The following PTPRD variants were observed in gnomAD, a reference collection of about 807,000 sequenced individuals.
PTPRD encodes the protein protein tyrosine phosphatase receptor type D.
In PTPRD, 34 loss-of-function variants were observed where a neutral mutation model predicts 214.5. That is an observed-to-expected ratio of 0.16 (90% CI 0.12 to 0.21). PTPRD has a LOEUF of 0.21. PTPRD is among the 10% of genes least tolerant of loss of function. The pLI is 1.00. For synonymous variants in PTPRD, 1,128 were observed against 845.7 expected (o/e 1.33, Z -5.79); for missense variants, 2,545 against 2,398.7 (o/e 1.06, Z -1.27).
At chr9:9,743,948 A>T (rs970111007) in intron 6 of PTPRD, among the ~76,000 whole-genome samples, 1 of 152,158 alleles carries the variant, frequency 6.6e-6, no homozygotes, top group African/African-American at 2.4e-5. Flanking sequence ...GACATTAAAT[A>T]ACCTACACCT....
At chr9:9,138,983 A>G (rs2099855624) in intron 10 of PTPRD, among the ~76,000 whole-genome samples, 1 of 152,138 alleles carries the variant, frequency 6.6e-6, no homozygotes, top group Non-Finnish European at 1.5e-5. Context: ...TTAAGGTATT[A>G]TATTTACTTA....
chr9:9,731,514 G>C (rs1181901369), intron 7 of PTPRD, among the ~76,000 whole-genome samples: 14 of 151,896 alleles, frequency 9.2e-5, no homozygotes, highest in Admixed American at 9.2e-4. Context: ...CAATGTGCAG[G>C]TTTGTTATGG....
At chr9:9,700,820 T>G (rs536664005) in intron 7 of PTPRD, among the ~76,000 whole-genome samples, 15 of 152,226 alleles carry the variant, frequency 9.9e-5, no homozygotes, top group Non-Finnish European at 5.9e-5. Flanking sequence ...TTCAGGCAGA[T>G]CCTAAGATTT....
At chr9:9,502,911 C>T (rs1223932675) in intron 8 of PTPRD, among the ~76,000 whole-genome samples, 1 of 151,792 alleles carries the variant, frequency 6.6e-6, no homozygotes, top group Non-Finnish European at 1.5e-5. Context: ...AACAAGCTTG[C>T]CTTCACAGTG....
intron 2 of PTPRD, among the ~76,000 whole-genome samples, chr9:10,446,264 A>G (rs1180593102): frequency 6.6e-6 from 1 of 152,040 alleles, no homozygotes; most frequent in Admixed American, 6.6e-5. Flanking sequence ...TTGAGAGGAA[A>G]GAAGTGCAGG....
intron 12 of PTPRD, among the ~76,000 whole-genome samples, chr9:8,697,677 C>G (rs897800967): frequency 2.8e-5 from 4 of 142,598 alleles, no homozygotes; most frequent in Admixed American, 7.1e-5. Context: ...CCTGCCTTGG[C>G]CTCTCAAAGT....
In PTPRD at chr9:8,423,075, G is replaced by A. The variant is rs544561328; in HGVS notation, c.4086+13517C>T. On this transcript the variant is annotated intron_variant, in intron 35 of 45. Transcript: ENST00000381196. The stretch of plus-strand genomic sequence containing the variant: ...AAACACAGCATTGAGAAAACAAAAA[G>A]GGAAACCTGACATCAGAATCTGAAC... Among the ~76,000 whole-genome samples the A allele has an allele frequency of 5.3e-5, 8 of 152,180 alleles. No homozygotes were observed. The South Asian group carries it at 1.7e-3, about 32-fold the overall frequency.
At chr9:10,502,303 T>C (rs115486295) in intron 2 of PTPRD, among the ~76,000 whole-genome samples, 1,609 of 151,732 alleles carry the variant, frequency 0.011, 30 homozygotes, top group African/African-American at 0.037. Context: ...AATAAAAATA[T>C]AAGGAGAAAG....
chr9:9,583,602 A>C (rs966398658), intron 7 of PTPRD, among the ~76,000 whole-genome samples: 1 of 152,116 alleles, frequency 6.6e-6, no homozygotes, highest in African/African-American at 2.4e-5. Context: ...AATTAAAATT[A>C]TAAATTGTAA....
At chr9:9,577,624 A>C (rs1341768847) in intron 7 of PTPRD, among the ~76,000 whole-genome samples, 1 of 152,122 alleles carries the variant, frequency 6.6e-6, no homozygotes, top group Non-Finnish European at 1.5e-5. Context: ...TGCATAAATA[A>C]CTATTTTCAG....
intron 9 of PTPRD, among the ~76,000 whole-genome samples, chr9:9,370,872 T>C (rs1437525408): frequency 6.6e-6 from 1 of 152,060 alleles, no homozygotes; most frequent in Admixed American, 6.6e-5. Context: ...GAGATAATCA[T>C]GTGGTTTTTG....
intron 3 of PTPRD, among the ~76,000 whole-genome samples, chr9:10,083,204 G>A (rs1371235357): frequency 3.3e-5 from 5 of 151,782 alleles, no homozygotes; most frequent in Non-Finnish European, 5.9e-5. Context: ...TCTTATGATA[G>A]AGCCTATCTA....
intron 14 of PTPRD, among the ~76,000 whole-genome samples, chr9:8,599,609 C>CA (rs1564626670): frequency 4.5e-5 from 5 of 112,162 alleles, no homozygotes. Flanking sequence ...CCCACCCGCC[C>CA]ACCCTTTTTT....
intron 3 of PTPRD, among the ~76,000 whole-genome samples, chr9:10,155,721 G>C (rs1452633634): frequency 1.3e-5 from 2 of 152,104 alleles, no homozygotes; most frequent in Non-Finnish European, 2.9e-5. Context: ...TTTGTCTTTA[G>C]TTATGTTTAT....
chr9:9,228,031 G>A (rs546568487), intron 9 of PTPRD, among the ~76,000 whole-genome samples: 2 of 152,228 alleles, frequency 1.3e-5, no homozygotes, highest in African/African-American at 4.8e-5. Flanking sequence ...GAGAATGCAG[G>A]CTGTCTATAT....
chr9:9,613,816 G>A (rs1438492151), intron 7 of PTPRD, among the ~76,000 whole-genome samples: 1 of 152,118 alleles, frequency 6.6e-6, no homozygotes, highest in Admixed American at 6.5e-5. Flanking sequence ...GTGAAAATTT[G>A]AGAAGCAGTG....
intron 11 of PTPRD, among the ~76,000 whole-genome samples, chr9:8,970,593 T>A (rs1310242232): frequency 6.6e-6 from 1 of 151,444 alleles, no homozygotes; most frequent in Non-Finnish European, 1.5e-5. Flanking sequence ...AAAAAAGACA[T>A]AGAAGTGGAG....
intron 7 of PTPRD, among the ~76,000 whole-genome samples, chr9:9,668,712 C>T (rs991715204): frequency 3.3e-5 from 5 of 152,186 alleles, no homozygotes; most frequent in South Asian, 2.1e-4. Context: ...TATTACTTTG[C>T]GTACTCTTAA....
chr9:8,346,752 T>C (rs576818239), intron 39 of PTPRD, among the ~76,000 whole-genome samples: 21 of 152,264 alleles, frequency 1.4e-4, no homozygotes, highest in South Asian at 8.3e-4. Flanking sequence ...AAAAAGCAGC[T>C]GCAAAGTGCT....
Sources: allele counts gnomAD v4.1 joint callset (sites outside exome capture counted in the v4.1 genomes callset), GRCh38; gene constraint gnomAD v4.1.1; transcripts MANE v1.5; gene names NCBI Gene and HGNC (gene_info 2026-07-23, HGNC 2026-07-21).